NT5DC1: variants seen among roughly 807,000 people sequenced by gnomAD.
NT5DC1 encodes the protein 5'-nucleotidase domain-containing protein 1.
A neutral mutation model predicts 59.4 loss-of-function variants in NT5DC1; 42 were observed. That is an observed-to-expected ratio of 0.71 (90% CI 0.55 to 0.92). The LOEUF (loss-of-function observed/expected upper bound fraction) is 0.92. Among genes scored for constraint, NT5DC1 ranks in the 40% least tolerant of loss-of-function variants. NT5DC1 has a pLI of 0.00. For missense variants in NT5DC1, 501 were observed against 537.1 expected, an observed-to-expected ratio of 0.93 and a Z score of 0.66; for synonymous variants, 172 against 188.1, an observed-to-expected ratio of 0.91 and a Z score of 0.70.
At chr6:116,143,834 A>G (rs554490455) in intron 6 of NT5DC1, among the ~76,000 whole-genome samples, 11 of 152,284 alleles carry the variant, frequency 7.2e-5, no homozygotes, top group Non-Finnish European at 1.3e-4. Context: ...ACTGTCATTT[A>G]TTGCAACATT....
rs770242396 is a variant in NT5DC1, at chr6:116,223,173, G to C, written c.802+42G>C. 3.9e-6 allele frequency: 4 copies of C among 1,029,756 alleles called. No individual in the cohort carries two copies. In the South Asian group the frequency reaches 5.2e-5, roughly 13 times the overall value. 63.8% of individuals were successfully genotyped at this position (1,029,756 alleles called of 1,614,324 possible). A position where few individuals can be genotyped will look rare whatever the true frequency, so the allele number is the denominator to read the frequency against. On this transcript the variant is annotated intron_variant, in intron 8 of 11. Transcript: ENST00000319550. ...TTCTTTCTTTTCCTGTATACAGTTG[G>C]CTAACAACCTTGTGCAGAACACTGT...
chr6:116,142,593 G>A (rs894485796), intron 6 of NT5DC1, among the ~76,000 whole-genome samples: 1 of 151,152 alleles, frequency 6.6e-6, no homozygotes, highest in Non-Finnish European at 1.5e-5. Flanking sequence ...TAAAAACTGT[G>A]TTTTTTCCTT....
At chr6:116,122,323 T>A (rs1266629855) in intron 6 of NT5DC1, among the ~76,000 whole-genome samples, 2 of 152,178 alleles carry the variant, frequency 1.3e-5, no homozygotes, top group African/African-American at 4.8e-5. Flanking sequence ...GCAGAATAAG[T>A]GAGAAAATGT....
intron 6 of NT5DC1, among the ~76,000 whole-genome samples, chr6:116,142,829 T>A (rs1379491260): frequency 6.6e-6 from 1 of 152,210 alleles, no homozygotes; most frequent in Non-Finnish European, 1.5e-5. Context: ...GTTCTAAAAG[T>A]TATTTTCGTG....
At chr6:116,229,498 G>C (rs981753387) in intron 8 of NT5DC1, among the ~76,000 whole-genome samples, 1 of 152,154 alleles carries the variant, frequency 6.6e-6, no homozygotes, top group Non-Finnish European at 1.5e-5. Flanking sequence ...GTGTCAGTCA[G>C]GACTGAGCTC....
chr6:116,181,203 A>G (rs1013296015), intron 6 of NT5DC1, among the ~76,000 whole-genome samples: 1 of 152,068 alleles, frequency 6.6e-6, no homozygotes, highest in East Asian at 1.9e-4. Flanking sequence ...AAATTTCCAT[A>G]AGAATGAAAA....
intron 6 of NT5DC1, among the ~76,000 whole-genome samples, chr6:116,171,246 T>C (rs185407566): frequency 6.6e-6 from 1 of 152,354 alleles, no homozygotes; most frequent in African/African-American, 2.4e-5. Flanking sequence ...ACTTATTTTT[T>C]AATTGCCAAG....
At chr6:116,163,589 C>G (rs1169197649) in intron 6 of NT5DC1, among the ~76,000 whole-genome samples, 1 of 151,552 alleles carries the variant, frequency 6.6e-6, no homozygotes, top group African/African-American at 2.4e-5. Context: ...TTTGTTGATC[C>G]CTTGTGTGAT....
chr6:116,145,246 T>C (rs1473546237), intron 6 of NT5DC1, among the ~76,000 whole-genome samples: 1 of 151,980 alleles, frequency 6.6e-6, no homozygotes, highest in African/African-American at 2.4e-5. Context: ...CCAAAAGAAT[T>C]TGTTTAGAAA....
At chr6:116,122,263 G>A (rs935286234) in intron 6 of NT5DC1, among the ~76,000 whole-genome samples, 1 of 152,156 alleles carries the variant, frequency 6.6e-6, no homozygotes, top group African/African-American at 2.4e-5. Flanking sequence ...GGTAAATTTA[G>A]TACATTTATT....
chr6:116,218,074 T>C, intron 6 of NT5DC1, among the ~76,000 whole-genome samples: 1 of 152,284 alleles, frequency 6.6e-6, no homozygotes, highest in East Asian at 1.9e-4. Context: ...CAGTCTGGCT[T>C]ATGAACAAAA....
chr6:116,125,264 T>A, intron 6 of NT5DC1: 3 of 1,528,796 alleles, frequency 2.0e-6, no homozygotes, highest in East Asian at 4.5e-5. Flanking sequence ...AAATGCATTT[T>A]GTTAAAGAGA....
In NT5DC1 at chr6:116,121,524, G is replaced by A. The variant is rs769103179; in HGVS notation, c.529+3579G>A. The A allele has an allele frequency of 2.1e-5, 34 of 1,613,948 alleles. No homozygotes were observed. In the East Asian group the frequency reaches 5.1e-4, roughly 24 times the overall value. ...CCTGGAAGACCCCTCTCACCTGGAC[G>A]ACCAGGAGCACCATATCCCATTTCC... On this transcript the variant is annotated intron_variant, in intron 6 of 11. Transcript: ENST00000319550.
At chr6:116,161,188 T>C (rs1466743481) in intron 6 of NT5DC1, among the ~76,000 whole-genome samples, 1 of 106,260 alleles carries the variant, frequency 9.4e-6, no homozygotes, top group African/African-American at 3.7e-5. Flanking sequence ...CTGGGGACTG[T>C]TGTGGGGTGG....
chr6:116,225,803 A>G lies in NT5DC1; in HGVS notation c.802+2672A>G, dbSNP rs149624588. On this transcript the variant is annotated intron_variant, in intron 8 of 11. Transcript: ENST00000319550. ...TAAGGGCATATTTTATTTTTTTAAGATCGAAGATACTGGAATATGTATATG... is the reference window on the plus strand; with the variant it reads ...TAAGGGCATATTTTATTTTTTTAAGGTCGAAGATACTGGAATATGTATATG... Among the ~76,000 whole-genome samples, 507 of 152,320 alleles carry G rather than the reference A, an allele frequency of 3.3e-3. 5 individuals are homozygous for G. Among genetic ancestry groups the G allele is most frequent in the African/African-American group, 0.011 (469 of 41,558 alleles).
At chr6:116,215,642 T>G (rs1017414283) in intron 6 of NT5DC1, among the ~76,000 whole-genome samples, 2 of 152,282 alleles carry the variant, frequency 1.3e-5, no homozygotes, top group South Asian at 4.1e-4. Context: ...CACATTTACG[T>G]TGTCTGTCCA....
chr6:116,207,113 T>C (rs1171299813), intron 6 of NT5DC1, among the ~76,000 whole-genome samples: 1 of 151,988 alleles, frequency 6.6e-6, no homozygotes, highest in Non-Finnish European at 1.5e-5. Flanking sequence ...TATTACAATA[T>C]TGTTTTATTC....
At chr6:116,225,290 C>G (rs527377390) in intron 8 of NT5DC1, among the ~76,000 whole-genome samples, 2 of 152,184 alleles carry the variant, frequency 1.3e-5, no homozygotes, top group African/African-American at 4.8e-5. Flanking sequence ...GGGAACAAGT[C>G]TAGGCTCAAG....
chr6:116,153,171 A>G (rs1427733689), intron 6 of NT5DC1, among the ~76,000 whole-genome samples: 2 of 151,980 alleles, frequency 1.3e-5, no homozygotes, highest in Non-Finnish European at 2.9e-5. Flanking sequence ...TATACAACAT[A>G]ATTTTTGAGT....
Sources: gnomAD v4.1 joint callset for allele counts (sites outside exome capture counted in the v4.1 genomes callset) on GRCh38, gnomAD v4.1.1 for gene constraint, MANE v1.5 for transcripts, NCBI Gene and HGNC (gene_info 2026-07-23, HGNC 2026-07-21) for gene names.